The following PLXNA1 variants were observed in gnomAD, a reference collection of about 807,000 sequenced individuals.
The protein encoded by PLXNA1 is plexin-A1.
Under a neutral mutation model 191.7 loss-of-function variants are expected in PLXNA1, and 77 were observed. The ratio of observed to expected loss-of-function variants is 0.40; its 90% CI spans 0.33 to 0.49. PLXNA1 has a LOEUF of 0.49. Among genes scored for constraint, PLXNA1 ranks in the 20% least tolerant of loss-of-function variants. PLXNA1 has a pLI of 0.63. For synonymous variants in PLXNA1, 1,137 were observed against 1,156.4 expected (o/e 0.98, Z 0.34); for missense variants, 2,110 against 2,660.2 (o/e 0.79, Z 4.55).
chr3:127,014,639 G>A lies in PLXNA1; in HGVS notation c.2756+10G>A. ...ACATCAGTGCGGAGCAGTGAGTGCA[G>A]CCCTGGGTGTGTGCGGGGCGGGACG... is the stretch of plus-strand genomic sequence containing the variant. On this transcript the variant is annotated intron_variant, in intron 13 of 31. Coordinates refer to ENST00000393409, the MANE Select transcript of PLXNA1 (RefSeq NM_032242.4). 6.2e-7 allele frequency: 1 copy of A among 1,609,798 alleles called. No homozygotes were observed. Among genetic ancestry groups the A allele is most frequent in the Non-Finnish European group, 8.5e-7 (1 of 1,177,004 alleles).
In PLXNA1 at chr3:127,022,261, A is replaced by C. The variant is rs751074465; in HGVS notation, c.4215A>C (p.Thr1405=). 1 of 1,613,538 alleles carries C rather than the reference A, an allele frequency of 6.2e-7. No individual in the cohort carries two copies. Among genetic ancestry groups the C allele is most frequent in the Non-Finnish European group, 8.5e-7 (1 of 1,179,970 alleles). ...TGCAGGGCGAGATGGAATACGCCAC[A>C]GGCGTGCTCAAGCAGCTGCTTTCCG... ...TALQGEMEYA[T]GVLKQLLSDL... The change falls in exon 22 of 32, where the codon ACA becomes ACC. Residue 1405 remains threonine (T), a synonymous_variant. Transcript: ENST00000393409.
rs1206814731 is a variant in PLXNA1 at position 127,012,172 on chromosome 3, G to A, written c.2313+14G>A. On this transcript the variant is annotated intron_variant, in intron 10 of 31. Transcript: ENST00000393409. ...CAGAATTCCTCGGTGAGGTGGCCAG[G>A]GCAGGGGCTGGGGGCCGTGAGCCGG... The A allele has an allele frequency of 6.2e-7, 1 of 1,607,238 alleles. No homozygotes were observed. Among genetic ancestry groups the A allele is most frequent in the Admixed American group, 1.7e-5 (1 of 59,878 alleles).
At chr3:127,031,549 C>T (rs928564789) in intron 29 of PLXNA1, among the ~76,000 whole-genome samples, 2 of 152,206 alleles carry the variant, frequency 1.3e-5, no homozygotes, top group African/African-American at 4.8e-5. Context: ...TGGACTGTCC[C>T]TGCCACTTCT....
Position 127,017,000 on chromosome 3 carries a change from G to A in PLXNA1, c.3239G>A (p.Arg1080Gln), listed in dbSNP as rs746756931. Residue 1080 changes from arginine (R) to glutamine (Q), a missense_variant, in exon 17 of 32, where the codon CGA becomes CAA. Around this residue, in one of 4 missense-constraint regions of PLXNA1, gnomAD observed 644 missense variants for 714.3 expected, o/e 0.90. Transcript: ENST00000393409. ...AACCTGGCCACTGTCCGTGAACCCCGAATCCGGGCCAAGTATGGAGGCATT... is the reference window on the plus strand; with the variant it reads ...AACCTGGCCACTGTCCGTGAACCCCAAATCCGGGCCAAGTATGGAGGCATT... ...GTNLATVREPRIRAKYGGIER... is the reference protein window; with the variant it reads ...GTNLATVREPQIRAKYGGIER... 7 of 1,613,502 alleles carry A rather than the reference G, an allele frequency of 4.3e-6. No individual in the cohort carries two copies. The highest frequency in any genetic ancestry group is 4.5e-5 in the East Asian group (2 of 44,882).
At chr3:127,029,396 G>A (rs747109150) in intron 26 of PLXNA1, 44 bp from the exon 27 acceptor site, 25 of 1,572,554 alleles carry the variant, frequency 1.6e-5, no homozygotes, top group Admixed American at 8.3e-5. Context: ...GGTGGTGCAG[G>A]GGCACCCTGG....
intron 3 of PLXNA1, among the ~76,000 whole-genome samples, 195 bp downstream of exon 3, chr3:126,991,761 A>G (rs549965845): frequency 1.3e-5 from 2 of 152,176 alleles, no homozygotes; most frequent in East Asian, 3.9e-4. Context: ...GCCTCTGCCC[A>G]TGACTGGCCC....
At chr3:127,005,307 C>G (rs1033537516) in intron 7 of PLXNA1, 64 bp downstream of exon 7, 1 of 1,527,696 alleles carries the variant, frequency 6.5e-7, no homozygotes, top group African/African-American at 1.4e-5. Flanking sequence ...ATCCAGTTGC[C>G]GCCTGTTTAG....
At chr3:127,007,980 T>G in intron 9 of PLXNA1, 67 bp downstream of exon 9, 1 of 1,085,104 alleles carries the variant, frequency 9.2e-7, no homozygotes, top group Non-Finnish European at 1.4e-6. Context: ...AGACATCCCA[T>G]CTGGGTGTCG....
chr3:126,985,431 C>T (rs2107618863), intron 1 of PLXNA1, among the ~76,000 whole-genome samples: 1 of 152,252 alleles, frequency 6.6e-6, no homozygotes, highest in South Asian at 2.1e-4. Flanking sequence ...AGAGCCACAG[C>T]CGTTCCTACT....
At chr3:127,017,341 G>GC in intron 17 of PLXNA1, 84 bp from the exon 18 acceptor site, 1 of 1,526,474 alleles carries the variant, frequency 6.6e-7, no homozygotes, top group African/African-American at 1.4e-5. Flanking sequence ...GGAGCAGGCA[G>GC]CCCCCAGGCC....
chr3:127,032,509 C>G lies in PLXNA1; in HGVS notation c.5354C>G (p.Ser1785Cys). 6.2e-7 allele frequency: 1 copy of G among 1,614,092 alleles called. No homozygotes were observed. The highest frequency in any genetic ancestry group is 8.5e-7 in the Non-Finnish European group (1 of 1,180,012). The change falls in exon 30 of 32, where the codon TCC becomes TGC. Residue 1785 changes from serine (S) to cysteine (C), a missense_variant. By Grantham distance (112) the Ser-to-Cys change is moderately radical. Transcript: ENST00000393409. The part of the protein sequence containing the change: ...VVAQTFMDSC[S>C]TSEHKLGKDS... ...GCCCAGACCTTCATGGACTCCTGCT[C>G]CACCTCTGAGCACAAGCTGGGCAAG... is the stretch of plus-strand genomic sequence containing the variant.
chr3:127,031,545 G>T (rs1045662569), intron 29 of PLXNA1, among the ~76,000 whole-genome samples: 2 of 152,160 alleles, frequency 1.3e-5, no homozygotes, highest in African/African-American at 4.8e-5. Context: ...CTCCTGGACT[G>T]TCCCTGCCAC....
chr3:126,991,431 C>A lies in PLXNA1; in HGVS notation c.1242C>A (p.Pro414=). Residue 414 remains proline (P), a synonymous_variant, in exon 3 of 32, where the codon CCC becomes CCA. Transcript: ENST00000393409. The part of the protein sequence containing the change: ...DDFCGQDFNQ[P]LGGTVTIEGT... ...TCTGCGGGCAGGACTTCAACCAGCC[C>A]CTGGGGGGCACAGTCACCATTGAGG... 1 of 1,612,868 alleles carries A rather than the reference C, an allele frequency of 6.2e-7. No individual in the cohort carries two copies. The highest frequency in any genetic ancestry group is 8.5e-7 in the Non-Finnish European group (1 of 1,179,900).
chr3:127,003,360 C>G lies in PLXNA1; in HGVS notation c.1408C>G (p.Arg470Gly). The G allele has an allele frequency of 6.2e-7, 1 of 1,608,248 alleles. No individual in the cohort carries two copies. The change falls in exon 4 of 32, where the codon CGG (arginine) becomes GGG (glycine). Residue 470 changes from arginine (R) to glycine (G), a missense_variant. Around this residue, in one of 4 missense-constraint regions of PLXNA1, gnomAD observed 903 missense variants for 1,015.7 expected, o/e 0.89. Transcript: ENST00000393409. ...GGTGGACCTCTCAAACCCCGGTGGC[C>G]GGCCTGCCCTGGCCTACGAGAGCGT... ...ILVDLSNPGG[R>G]PALAYESVVA...
chr3:127,003,124 T>A (rs2079048555), intron 3 of PLXNA1, among the ~76,000 whole-genome samples: 1 of 146,420 alleles, frequency 6.8e-6, no homozygotes, highest in Admixed American at 6.7e-5. Context: ...TGTTGGGGTC[T>A]GAGTTTGCCC....
chr3:127,030,311 C>T lies in PLXNA1; in HGVS notation c.5130C>T (p.Ala1710=). ...TCAGCACGGCACACCGGGGCTCAGC[C>T]CTGCCGCTGGCCATCAAGTACATGT... is the stretch of plus-strand genomic sequence containing the variant. ...TIFSTAHRGS[A]LPLAIKYMFD... The change falls in exon 29 of 32, where the codon GCC becomes GCT. Residue 1710 remains alanine, a synonymous_variant. Coordinates refer to ENST00000393409, the MANE Select transcript of PLXNA1 (RefSeq NM_032242.4). The T allele has an allele frequency of 1.2e-6, 2 of 1,614,002 alleles. No individual in the cohort carries two copies. The highest frequency in any genetic ancestry group is 1.7e-5 in the Admixed American group (1 of 60,026).
At chr3:127,005,881 C>T (rs949235515) in intron 7 of PLXNA1, among the ~76,000 whole-genome samples, 198 bp from the exon 8 acceptor site, 2 of 152,112 alleles carry the variant, frequency 1.3e-5, no homozygotes, top group Admixed American at 1.3e-4. Flanking sequence ...TTCTCAACCC[C>T]TCACACTGAG....
chr3:127,027,801 A>T (rs1376938231), intron 23 of PLXNA1, 139 bp from the exon 24 acceptor site: 1 of 1,138,120 alleles, frequency 8.8e-7, no homozygotes. Context: ...CTAAGGCTGT[A>T]CTTGCCTCCC....
intron 3 of PLXNA1, among the ~76,000 whole-genome samples, chr3:126,995,289 C>T (rs913905201): frequency 1.3e-5 from 2 of 152,164 alleles, no homozygotes; most frequent in East Asian, 1.9e-4. Context: ...GAACTTCCTG[C>T]GCCCTGCTCC....
Sources: gnomAD v4.1 joint callset for allele counts (sites outside exome capture counted in the v4.1 genomes callset) on GRCh38, gnomAD v4.1.1 for gene constraint, gnomAD v4.1.1 regional missense constraint, MANE v1.5 for transcripts, NCBI Gene and HGNC (gene_info 2026-07-23, HGNC 2026-07-21) for gene names.